Variants in BCAN observed in about 807,000 individuals in gnomAD.
BCAN encodes the protein brevican core protein.
Under a neutral mutation model 92.4 loss-of-function variants are expected in BCAN, and 51 were observed. The observed-to-expected ratio is 0.55, with a 90% CI of 0.44 to 0.70. The LOEUF (loss-of-function observed/expected upper bound fraction) is 0.70. Ranked by LOEUF, BCAN falls within the 30% of genes least tolerant of loss-of-function variation. The pLI, the probability that BCAN is intolerant of heterozygous loss-of-function variation, is 0.00. For synonymous variants in BCAN, 501 were observed against 505.2 expected, an observed-to-expected ratio of 0.99 and a Z score of 0.11; for missense variants, 1,140 against 1,212.1, an observed-to-expected ratio of 0.94 and a Z score of 0.88.
At position 156,659,117 on chromosome 1, in the gene BCAN, C is replaced by A. The variant is rs146836375; in HGVS notation, c.2719C>A (p.Pro907Thr). 1,403 of 1,580,666 alleles carry A rather than the reference C, an allele frequency of 8.9e-4. 8 individuals carry two copies. Among genetic ancestry groups the A allele is most frequent in the Middle Eastern group, 5.4e-3 (32 of 5,952 alleles). ...GGCGCTGTTGATCCCCCCTTCCAGCCCCATGCCAGGTCCCTAGGGGGCAAG... is the reference window on the plus strand; with the variant it reads ...GGCGCTGTTGATCCCCCCTTCCAGCACCATGCCAGGTCCCTAGGGGGCAAG... ...WKALLIPPSSPMPGP is the reference protein window; with the variant it reads ...WKALLIPPSSTMPGP Residue 907 changes from proline to threonine, a missense_variant, in exon 14 of 14, where the codon CCC becomes ACC. By Grantham distance (38) the Pro-to-Thr change is conservative. Around this residue, in one of 3 missense-constraint regions of BCAN, gnomAD observed 825 missense variants for 871.8 expected, o/e 0.95. Transcript: ENST00000329117.
At position 156,648,017 on chromosome 1, in the gene BCAN, G is replaced by A. The variant is rs377323218; in HGVS notation, c.676G>A (p.Gly226Arg). Residue 226 changes from glycine to arginine, a missense_variant, in exon 5 of 14, where the codon GGA (glycine) becomes AGA (arginine). Transcript: ENST00000329117. Reference protein sequence around the residue: ...PIQTPREACYGDMDGFPGVRN... With the variant: ...PIQTPREACYRDMDGFPGVRN... ...CCAGACCCCACGAGAGGCCTGTTAC[G>A]GAGACATGGATGGCTTCCCCGGGGT... 1.1e-5 allele frequency: 18 copies of A among 1,613,866 alleles called. No individual in the cohort carries two copies. Among genetic ancestry groups the A allele is most frequent in the East Asian group, 8.9e-5 (4 of 44,868 alleles).
At chr1:156,645,984 G>A (rs1477988759) in intron 1 of BCAN, 63 bp from the exon 2 acceptor site, 8 of 1,420,240 alleles carry the variant, frequency 5.6e-6, no homozygotes, top group African/African-American at 1.4e-5. Context: ...GTGTGGTAGG[G>A]AGCAGGGGGG....
At chr1:156,650,673 C>T (rs1679130932) in intron 6 of BCAN, among the ~76,000 whole-genome samples, 1 of 152,068 alleles carries the variant, frequency 6.6e-6, no homozygotes, top group Non-Finnish European at 1.5e-5. Context: ...TTTGGAGGCT[C>T]GGTGCAGTGG....
rs1310840472 is a variant in BCAN at position 156,646,165 on chromosome 1, G to T, written c.91+20G>T. ...GCTCAGGTAAGCAACCCCACTTGGG[G>T]TCACCGTCTCTGTCTTGTTCAGCCC... On this transcript the variant is annotated intron_variant, in intron 2 of 13. Transcript: ENST00000329117. 1.9e-6 allele frequency: 3 copies of T among 1,608,474 alleles called. No homozygotes were observed. The highest frequency in any genetic ancestry group is 1.7e-5 in the Admixed American group (1 of 59,912).
rs1679378776 is a variant in BCAN at position 156,657,612 on chromosome 1, G to A, written c.2210-63G>A. ...CCAAGGCAGTCACCGCAGACCGCCC[G>A]GGAGCGGGGAACGGCCGCCATCTGC... On this transcript the variant is annotated intron_variant, in intron 10 of 13. Coordinates refer to ENST00000329117, the MANE Select transcript of BCAN (RefSeq NM_021948.5). 4.2e-6 allele frequency: 6 copies of A among 1,427,742 alleles called. No homozygotes were observed. In the African/African-American group the frequency reaches 8.6e-5, roughly 21 times the overall value. The allele number at this position is 1,427,742 out of a possible 1,614,324, so 88.4% of individuals were successfully genotyped here.
intron 8 of BCAN, among the ~76,000 whole-genome samples, chr1:156,655,726 C>T (rs1679301904): frequency 6.6e-6 from 1 of 152,164 alleles, no homozygotes; most frequent in Admixed American, 6.5e-5. Flanking sequence ...ACACCAATAT[C>T]AGGTCTCAGG....
Position 156,658,303 on chromosome 1 carries a change from G to A in BCAN, c.2437+32G>A, listed in dbSNP as rs755342939. 3.7e-6 allele frequency: 6 copies of A among 1,609,536 alleles called. No individual in the cohort carries two copies. The African/African-American group carries it at 8.0e-5, about 21-fold the overall frequency. ...GCAGGCAAAGGAGGGTCCCAGCAAG[G>A]AAGTGGAGGGGTGGGCTAGGGGACC... On this transcript the variant is annotated intron_variant, in intron 12 of 13. Transcript: ENST00000329117. The surrounding 1 kb of genome is among the most constrained non-coding windows in gnomAD (Gnocchi z 4.4).
intron 1 of BCAN, chr1:156,643,805 C>T (rs1180101972): frequency 6.6e-6 from 1 of 152,232 alleles, no homozygotes; most frequent in Non-Finnish European, 1.5e-5. Context: ...GAGATACAGA[C>T]GCTGGAGCTG....
In BCAN at chr1:156,658,282, G is replaced by A; in HGVS notation, c.2437+11G>A. ...GCAAGATGGGGCTGGGTGAGGGCAG[G>A]CAAAGGAGGGTCCCAGCAAGGAAGT... is the stretch of plus-strand genomic sequence containing the variant. On this transcript the variant is annotated intron_variant, in intron 12 of 13. Transcript: ENST00000329117. This position sits in a 1 kb window ranked among gnomAD's most constrained non-coding sequence, Gnocchi z 4.4. 6.2e-6 allele frequency: 10 copies of A among 1,612,924 alleles called. No individual in the cohort carries two copies. Among genetic ancestry groups the A allele is most frequent in the Non-Finnish European group, 7.6e-6 (9 of 1,179,416 alleles).
intron 10 of BCAN, 135 bp from the exon 11 acceptor site, chr1:156,657,540 G>T (rs1382749073): frequency 3.0e-6 from 2 of 661,486 alleles, no homozygotes. Context: ...AGAGGCTGGG[G>T]TAGAAGAACC....
intron 1 of BCAN, 51 bp from the exon 2 acceptor site, chr1:156,645,996 A>C (rs1211663972): frequency 6.7e-7 from 1 of 1,503,536 alleles, no homozygotes; most frequent in East Asian, 2.3e-5. Flanking sequence ...GCAGGGGGGA[A>C]GTCCATCCTG....
rs376675443 is a variant in BCAN at position 156,656,418 on chromosome 1, T to G, written c.2050+29T>G. ...AGTGTTGAGGGACGGGGGGCAGGTTTGAAGCCTGGACCCTGCCACAACGTG... is the reference window on the plus strand; with the variant it reads ...AGTGTTGAGGGACGGGGGGCAGGTTGGAAGCCTGGACCCTGCCACAACGTG... On this transcript the variant is annotated intron_variant, in intron 9 of 13. Transcript: ENST00000329117. The G allele has an allele frequency of 5.8e-4, 772 of 1,329,930 alleles. 1 individual carries two copies. Among genetic ancestry groups the G allele is most frequent in the Non-Finnish European group, 7.1e-4 (733 of 1,028,690 alleles). 82.4% of individuals were successfully genotyped at this position (1,329,930 alleles called of 1,614,324 possible).
chr1:156,652,268 G>T lies in BCAN; in HGVS notation c.1318G>T (p.Val440Leu), dbSNP rs979837618. The change falls in exon 8 of 14, where the codon GTA becomes TTA. Residue 440 changes from valine to leucine, a missense_variant. Val to Leu is a conservative substitution (Grantham distance 32). This residue lies in a region of BCAN where 825 missense variants were observed against 871.8 expected (regional missense o/e 0.95). Coordinates refer to ENST00000329117, the MANE Select transcript of BCAN (RefSeq NM_021948.5). ...CCTAGAATTTGAAACACAATCCATG[G>T]TACCGCCCACGGGGTTCTCAGAAGA... ...TLLEFETQSM[V>L]PPTGFSEEEG... The T allele has an allele frequency of 1.9e-6, 3 of 1,600,462 alleles. No homozygotes were observed. The highest frequency in any genetic ancestry group is 2.6e-6 in the Non-Finnish European group (3 of 1,173,966).
intron 1 of BCAN, chr1:156,644,627 T>G (rs2102552964): frequency 6.6e-6 from 1 of 152,214 alleles, no homozygotes; most frequent in African/African-American, 2.4e-5. Flanking sequence ...GGGAATGATA[T>G]CCAGACACAG....
At chr1:156,650,966 C>T (rs1335038336) in intron 6 of BCAN, among the ~76,000 whole-genome samples, 2 of 152,070 alleles carry the variant, frequency 1.3e-5, no homozygotes, top group African/African-American at 2.4e-5. Flanking sequence ...TTTGGGGATA[C>T]CTGGGACACC....
chr1:156,652,647 G>C lies in BCAN; in HGVS notation c.1697G>C (p.Gly566Ala). The C allele has an allele frequency of 1.2e-6, 2 of 1,613,876 alleles. No individual in the cohort carries two copies. The highest frequency in any genetic ancestry group is 1.1e-5 in the South Asian group (1 of 91,058). The change falls in exon 8 of 14, where the codon GGG becomes GCG. Residue 566 changes from glycine (G) to alanine (A), a missense_variant. Around this residue, in one of 3 missense-constraint regions of BCAN, gnomAD observed 825 missense variants for 871.8 expected, o/e 0.95. Coordinates refer to ENST00000329117, the MANE Select transcript of BCAN (RefSeq NM_021948.5). ...PSTLVEAREV[G>A]EATGGPELSG... ...ACTCTGGTTGAGGCAAGAGAGGTGGGGGAGGCAACTGGTGGTCCTGAGCTA... is the reference window on the plus strand; with the variant it reads ...ACTCTGGTTGAGGCAAGAGAGGTGGCGGAGGCAACTGGTGGTCCTGAGCTA...
rs969358579 is a variant in BCAN at position 156,646,927 on chromosome 1, G to A, written c.218G>A (p.Gly73Asp). The A allele has an allele frequency of 9.3e-6, 15 of 1,612,396 alleles. No homozygotes were observed. Among genetic ancestry groups the A allele is most frequent in the African/African-American group, 2.7e-5 (2 of 74,922 alleles). ...RPPPSRRAVLGSPRVKWTFLS... is the reference protein window; with the variant it reads ...RPPPSRRAVLDSPRVKWTFLS... ...CCGCCGAGCCGCCGGGCTGTGCTGGGCTCTCCGCGGGTCAAGTGGACTTTC... is the reference window on the plus strand; with the variant it reads ...CCGCCGAGCCGCCGGGCTGTGCTGGACTCTCCGCGGGTCAAGTGGACTTTC... The change falls in exon 3 of 14, where the codon GGC becomes GAC. Residue 73 changes from glycine to aspartate, a missense_variant. Gly to Asp is a moderately conservative substitution (Grantham distance 94). Around this residue, in one of 3 missense-constraint regions of BCAN, gnomAD observed 286 missense variants for 284.1 expected, o/e 1.01. Transcript: ENST00000329117.
In BCAN at chr1:156,658,072, C is replaced by T; in HGVS notation, c.2293-55C>T. The T allele has an allele frequency of 6.3e-7, 1 of 1,588,696 alleles. No individual in the cohort carries two copies. Among genetic ancestry groups the T allele is most frequent in the Non-Finnish European group, 8.6e-7 (1 of 1,164,006 alleles). On this transcript the variant is annotated intron_variant, in intron 11 of 13. Transcript: ENST00000329117. This position sits in a 1 kb window ranked among gnomAD's most constrained non-coding sequence, Gnocchi z 4.4. ...GCCCTCCTCCCCAGATCCTCTAGGC[C>T]CTCTCCCGGTGCTCCTGGTGTAGGA...
rs1404239508 is a variant in BCAN, at chr1:156,658,309, G to C, written c.2437+38G>C. 6.2e-7 allele frequency: 1 copy of C among 1,608,172 alleles called. No individual in the cohort carries two copies. The highest frequency in any genetic ancestry group is 8.5e-7 in the Non-Finnish European group (1 of 1,176,842). ...AAAGGAGGGTCCCAGCAAGGAAGTG[G>C]AGGGGTGGGCTAGGGGACCAGAGGG... On this transcript the variant is annotated intron_variant, in intron 12 of 13. Transcript: ENST00000329117. This position sits in a 1 kb window ranked among gnomAD's most constrained non-coding sequence, Gnocchi z 4.4.
Sources: allele counts gnomAD v4.1 joint callset (sites outside exome capture counted in the v4.1 genomes callset), GRCh38; gene constraint gnomAD v4.1.1; regional missense constraint gnomAD v4.1.1; non-coding constraint Gnocchi (gnomAD v3.1); transcripts MANE v1.5; gene names NCBI Gene and HGNC (gene_info 2026-07-23, HGNC 2026-07-21).